REDIC1: variants seen among roughly 807,000 people sequenced by gnomAD.
The protein encoded by REDIC1 is HEI10 Interacting Protein 1.
At chr12:39,838,338 T>A in the REDIC1 span, among the ~76,000 whole-genome samples, 1 of 89,148 alleles carries the variant, frequency 1.1e-5, no homozygotes. Context: ...CTGGGGACTG[T>A]GGTGGGGTGG....
At chr12:39,895,977 T>C in the REDIC1 span, among the ~76,000 whole-genome samples, 3 of 145,046 alleles carry the variant, frequency 2.1e-5, no homozygotes, top group African/African-American at 8.3e-5. Flanking sequence ...TGTGTATATG[T>C]ATACATACAT....
At chr12:39,719,406 G>A in the REDIC1 span, among the ~76,000 whole-genome samples, 1 of 152,036 alleles carries the variant, frequency 6.6e-6, no homozygotes, top group South Asian at 2.1e-4. Context: ...GTGGGCAATT[G>A]CTTGAGCCCA....
chr12:39,758,287 G>A, the REDIC1 span: 1 of 151,760 alleles, frequency 6.6e-6, no homozygotes, highest in African/African-American at 2.4e-5. Flanking sequence ...TTATACCTCT[G>A]GTGACTTAGA....
chr12:39,644,013 TG>T, the REDIC1 span: 4 of 1,016,902 alleles, frequency 3.9e-6, no homozygotes, highest in South Asian at 7.6e-5. Context: ...TCAAAGCATG[TG>T]GAAAATTAAT....
chr12:39,743,919 T>C, the REDIC1 span, among the ~76,000 whole-genome samples: 1 of 151,864 alleles, frequency 6.6e-6, no homozygotes, highest in African/African-American at 2.4e-5. Flanking sequence ...ACAGAAGAAA[T>C]AGCTGAAGCA....
the REDIC1 span, among the ~76,000 whole-genome samples, chr12:39,650,846 A>G: frequency 6.6e-6 from 1 of 152,088 alleles, no homozygotes; most frequent in Non-Finnish European, 1.5e-5. The surrounding 1 kb of genome is among the most constrained non-coding windows in gnomAD (Gnocchi z 4.3). Flanking sequence ...AGAGTCATTT[A>G]TTTAGTTTTA....
At chr12:39,705,122 G>T in the REDIC1 span, among the ~76,000 whole-genome samples, 3 of 151,694 alleles carry the variant, frequency 2.0e-5, no homozygotes, top group East Asian at 3.9e-4. Context: ...AATCAGAGAT[G>T]AAAAAGGAAC....
the REDIC1 span, among the ~76,000 whole-genome samples, chr12:39,751,854 A>G: frequency 6.6e-6 from 1 of 152,198 alleles, no homozygotes; most frequent in Non-Finnish European, 1.5e-5. Flanking sequence ...TTGAACAATG[A>G]GAACACTTGG....
chr12:39,664,338 T>A, the REDIC1 span, among the ~76,000 whole-genome samples: 1 of 151,896 alleles, frequency 6.6e-6, no homozygotes, highest in Non-Finnish European at 1.5e-5. Flanking sequence ...TGGTTTATTG[T>A]CCTTGCGCTA....
At chr12:39,884,967 C>G in the REDIC1 span, among the ~76,000 whole-genome samples, 6 of 152,212 alleles carry the variant, frequency 3.9e-5, no homozygotes, top group Non-Finnish European at 8.8e-5. Flanking sequence ...TGATAAACAT[C>G]TATTCAGGTG....
At chr12:39,834,894 T>C in the REDIC1 span, among the ~76,000 whole-genome samples, 2 of 152,120 alleles carry the variant, frequency 1.3e-5, no homozygotes, top group Non-Finnish European at 2.9e-5. Context: ...AATCTGCTAA[T>C]TGACCTTTTA....
At chr12:39,643,879 A>G in the REDIC1 span, 25 of 1,568,488 alleles carry the variant, frequency 1.6e-5, no homozygotes, top group South Asian at 2.6e-4. Context: ...CTTAACCTAT[A>G]TATGGTAAAT....
the REDIC1 span, among the ~76,000 whole-genome samples, chr12:39,893,796 T>C: frequency 1.3e-5 from 2 of 152,234 alleles, no homozygotes; most frequent in African/African-American, 4.8e-5. Context: ...TTTTCTGCAA[T>C]TTACTTTAAG....
At chr12:39,764,982 T>C in the REDIC1 span, 1 of 1,138,810 alleles carries the variant, frequency 8.8e-7, no homozygotes. Context: ...ATGTTTTTCT[T>C]AAAAAATAAG....
chr12:39,712,400 ATATATACATACG>A, the REDIC1 span, among the ~76,000 whole-genome samples: 60 of 134,528 alleles, frequency 4.5e-4, no homozygotes, highest in African/African-American at 1.1e-3. Context: ...ACCTGTATGT[ATATATACATACG>A]TATATACATA....
chr12:39,704,118 C>A, the REDIC1 span, among the ~76,000 whole-genome samples: 2 of 151,982 alleles, frequency 1.3e-5, no homozygotes, highest in South Asian at 4.2e-4. Context: ...AAAGAAACTA[C>A]CATCAGAGTG....
chr12:39,852,801 C>T, the REDIC1 span, among the ~76,000 whole-genome samples: 48 of 152,276 alleles, frequency 3.2e-4, 1 homozygote, highest in Admixed American at 3.0e-3. Flanking sequence ...TGGTTGTGAC[C>T]TCGTCTTCAT....
At chr12:39,681,949 A>C in the REDIC1 span, among the ~76,000 whole-genome samples, 2 of 152,152 alleles carry the variant, frequency 1.3e-5, no homozygotes, top group African/African-American at 2.4e-5. Flanking sequence ...CTTGATTTGT[A>C]ATTATTTTCC....
the REDIC1 span, chr12:39,682,882 A>G: frequency 6.2e-7 from 1 of 1,612,858 alleles, no homozygotes; most frequent in Non-Finnish European, 8.5e-7. Context: ...GAAAACATTT[A>G]ACAAGTGTGA....
Sources: gnomAD v4.1 joint callset for allele counts (sites outside exome capture counted in the v4.1 genomes callset) on GRCh38, gnomAD v4.1.1 for gene constraint, Gnocchi (gnomAD v3.1) non-coding constraint, MANE v1.5 for transcripts, NCBI Gene and HGNC (gene_info 2026-07-23, HGNC 2026-07-21) for gene names.